The following IKBKG variants were observed in gnomAD, a reference collection of about 807,000 sequenced individuals.
The protein encoded by IKBKG is NF-kappa-B essential modulator.
IKBKG carries 2 observed loss-of-function variants against 13.7 expected under a neutral mutation model. The observed-to-expected ratio is 0.15, with a 90% CI of 0.06 to 0.46. IKBKG has a LOEUF of 0.46. IKBKG is among the 20% of genes least tolerant of loss of function. The pLI, the probability that IKBKG is intolerant of heterozygous loss-of-function variation, is 0.98. For synonymous variants in IKBKG, 22 were observed against 64.4 expected (o/e 0.34, Z 3.15); for missense variants, 53 against 150.3 (o/e 0.35, Z 3.39).
At chrX:154,545,671 C>T (rs1272824913), upstream of IKBKG, 2 of 220,290 alleles carry the variant, frequency 9.1e-6, no homozygotes, top group African/African-American at 3.0e-5. Flanking sequence ...TCCGTCTCTA[C>T]TAACAATACA....
At chrX:154,555,077 G>GC (rs2148374738) in intron 2 of IKBKG, among the ~76,000 whole-genome samples, 1 of 111,631 alleles carries the variant, frequency 9.0e-6, no homozygotes, top group African/African-American at 3.3e-5. Context: ...GGGAGGACCA[G>GC]CGGTTTTTCC....
In IKBKG at chrX:154,552,046, A is replaced by G; in HGVS notation, c.44A>G (p.Gln15Arg). ...LWKSQLCEMV[Q>R]PSGGPAADQD... ...AAGAGCCAACTGTGTGAGATGGTGC[A>G]GCCCAGTGGTGGCCCGGCAGCAGAT... is the stretch of plus-strand genomic sequence containing the variant. The change falls in exon 2 of 10, where the codon CAG becomes CGG. Residue 15 changes from glutamine (Q) to arginine (R), a missense_variant. Around this residue, in one of 3 missense-constraint regions of IKBKG, gnomAD observed 47 missense variants for 50.0 expected, o/e 0.94. Transcript: ENST00000594239. The G allele has an allele frequency of 8.7e-7, 1 of 1,154,102 alleles. No individual in the cohort carries two copies. The highest frequency in any genetic ancestry group is 1.2e-6 in the Non-Finnish European group (1 of 860,731).
chrX:154,542,361 T>A, upstream of IKBKG: 1 of 1,206,187 alleles, frequency 8.3e-7, no homozygotes, highest in African/African-American at 1.7e-5. Flanking sequence ...CCTGTGAAGC[T>A]CTCCAGCATC....
chrX:154,541,561 G>A (rs1236280788), intron 1 of IKBKG, among the ~76,000 whole-genome samples: 1 of 111,988 alleles, frequency 8.9e-6, no homozygotes, highest in Non-Finnish European at 1.9e-5. Context: ...ACAAACATGG[G>A]AAGACATCGG....
At chrX:154,552,990 C>T (rs1417598635) in intron 2 of IKBKG, among the ~76,000 whole-genome samples, 4 of 112,504 alleles carry the variant, frequency 3.6e-5, no homozygotes, top group Admixed American at 1.9e-4. Flanking sequence ...AGGTGGCACC[C>T]GCCATATACT....
intron 1 of IKBKG, among the ~76,000 whole-genome samples, chrX:154,548,594 C>T (rs149618083): frequency 1.8e-3 from 207 of 112,550 alleles, no homozygotes; most frequent in African/African-American, 6.3e-3. Context: ...GATGGAGTCT[C>T]GCTCTGTCGC....
chrX:154,551,239 C>T (rs782189656), intron 1 of IKBKG, among the ~76,000 whole-genome samples: 32 of 110,124 alleles, frequency 2.9e-4, no homozygotes, highest in African/African-American at 1.1e-3. Flanking sequence ...TGAGCCACTG[C>T]GCCCGGCCAG....
chrX:154,553,982 C>G (rs1449670584), intron 2 of IKBKG, among the ~76,000 whole-genome samples: 1 of 112,284 alleles, frequency 8.9e-6, no homozygotes, highest in Non-Finnish European at 1.9e-5. Context: ...GCTGTGTGTT[C>G]AGTGCAGCAG....
chrX:154,542,507 G>A, upstream of IKBKG: 1 of 1,130,143 alleles, frequency 8.8e-7, no homozygotes, highest in South Asian at 2.3e-5. Context: ...AAGGCAGGAA[G>A]TGGCCCACTT....
upstream of IKBKG, chrX:154,547,451 G>A: frequency 2.6e-6 from 2 of 755,248 alleles, no homozygotes; most frequent in Non-Finnish European, 3.1e-6. Flanking sequence ...CAAAGTGGCC[G>A]GCGTGCTTAT....
chrX:154,550,591 A>T (rs2070902877), intron 1 of IKBKG, among the ~76,000 whole-genome samples: 1 of 109,391 alleles, frequency 9.1e-6, no homozygotes, highest in African/African-American at 3.3e-5. Context: ...GGGGCAGCCC[A>T]ACATGAAGGA....
At chrX:154,550,385 G>A (rs1034460651) in intron 1 of IKBKG, among the ~76,000 whole-genome samples, 2 of 95,744 alleles carry the variant, frequency 2.1e-5, no homozygotes, top group African/African-American at 7.9e-5. Flanking sequence ...GGGGACTGTC[G>A]GAGGTCTTAG....
chrX:154,555,955 A>T (rs1413069628), intron 2 of IKBKG, among the ~76,000 whole-genome samples: 1 of 113,213 alleles, frequency 8.8e-6, no homozygotes, highest in African/African-American at 3.2e-5. Flanking sequence ...AGTGTAAAGG[A>T]TTTTGGAAGT....
chrX:154,543,499 G>A (rs1603413807), upstream of IKBKG, among the ~76,000 whole-genome samples: 2 of 112,057 alleles, frequency 1.8e-5, no homozygotes, highest in Non-Finnish European at 3.8e-5. Flanking sequence ...TGTCTAATAA[G>A]AGCTGAAGGC....
chrX:154,553,643 C>A (rs1410855161), intron 2 of IKBKG, among the ~76,000 whole-genome samples: 4 of 112,713 alleles, frequency 3.5e-5, no homozygotes, highest in Non-Finnish European at 5.6e-5. Flanking sequence ...GCACCTGGGG[C>A]TGGAGAATTC....
chrX:154,543,116 C>T (rs1043867843), upstream of IKBKG, among the ~76,000 whole-genome samples: 22 of 111,817 alleles, frequency 2.0e-4, no homozygotes, highest in African/African-American at 6.8e-4. Flanking sequence ...TGCCTGAGCA[C>T]GCCACCTCCC....
upstream of IKBKG, among the ~76,000 whole-genome samples, chrX:154,543,134 C>T (rs1199637224): frequency 8.9e-6 from 1 of 111,908 alleles, no homozygotes; most frequent in Non-Finnish European, 1.9e-5. Flanking sequence ...CCCATCTCCC[C>T]CACAGCAGGA....
chrX:154,548,359 A>G (rs1397616566), intron 1 of IKBKG, among the ~76,000 whole-genome samples: 4 of 111,681 alleles, frequency 3.6e-5, no homozygotes, highest in African/African-American at 1.3e-4. Context: ...TTCTCAGTAG[A>G]GGAGGAATGT....
chrX:154,547,209 T>C (rs962780890), upstream of IKBKG: 11 of 470,945 alleles, frequency 2.3e-5, no homozygotes, highest in African/African-American at 2.9e-4. Flanking sequence ...CGCGGAGGGC[T>C]CCACTTCCGC....
Sources: allele counts gnomAD v4.1 joint callset (sites outside exome capture counted in the v4.1 genomes callset), GRCh38; gene constraint gnomAD v4.1.1; regional missense constraint gnomAD v4.1.1; transcripts MANE v1.5; gene names NCBI Gene and HGNC (gene_info 2026-07-23, HGNC 2026-07-21).